Variants in THOC1 observed in about 807,000 individuals in gnomAD.
THOC1 encodes THO complex 1.
THOC1 carries 29 observed loss-of-function variants against 97.3 expected under a neutral mutation model. The observed-to-expected ratio is 0.30, with a 90% CI of 0.22 to 0.41. The LOEUF is 0.41. Ranked by LOEUF, THOC1 falls within the 10% of genes least tolerant of loss-of-function variation. THOC1 has a pLI of 1.00. For missense variants in THOC1, 529 were observed against 761.9 expected, an observed-to-expected ratio of 0.69 and a Z score of 3.60; for synonymous variants, 255 against 257.0, an observed-to-expected ratio of 0.99 and a Z score of 0.07.
intron 17 of THOC1, among the ~76,000 whole-genome samples, chr18:220,115 C>T (rs1198621602): frequency 1.3e-5 from 2 of 152,128 alleles, no homozygotes; most frequent in Non-Finnish European, 2.9e-5. Flanking sequence ...TGAACATGCC[C>T]CAAGTTATCC....
chr18:214,568 A>G lies in THOC1; in HGVS notation c.*58T>C. The G allele has an allele frequency of 7.0e-7, 1 of 1,431,744 alleles. No homozygotes were observed. Among genetic ancestry groups the G allele is most frequent in the Non-Finnish European group, 9.6e-7 (1 of 1,045,904 alleles). The allele number at this position is 1,431,744 out of a possible 1,614,324, so 88.7% of individuals were successfully genotyped here. A position where few individuals can be genotyped will look rare whatever the true frequency, so the allele number is the denominator to read the frequency against. ...TACCAAAACCAGTGGACCTCTTATC[A>G]AATGCTGCTTGGTAACAAAATCTAT... is the stretch of plus-strand genomic sequence containing the variant. On this transcript the variant is annotated 3_prime_UTR_variant, in exon 21 of 21. Coordinates refer to ENST00000261600, the MANE Select transcript of THOC1 (RefSeq NM_005131.3).
intron 17 of THOC1, among the ~76,000 whole-genome samples, chr18:222,422 C>T (rs1911123581): frequency 6.6e-6 from 1 of 152,152 alleles, no homozygotes; most frequent in Non-Finnish European, 1.5e-5. Context: ...TCAACCACAA[C>T]TGTTTAACTT....
At chr18:231,256 T>C (rs1911476312) in intron 11 of THOC1, among the ~76,000 whole-genome samples, 1 of 152,182 alleles carries the variant, frequency 6.6e-6, no homozygotes. Flanking sequence ...GCTACTGTCC[T>C]TAGCTTTTAT....
intron 7 of THOC1, among the ~76,000 whole-genome samples, chr18:258,093 A>G (rs965635253): frequency 6.6e-6 from 1 of 152,064 alleles, no homozygotes; most frequent in East Asian, 1.9e-4. Flanking sequence ...ACCAAAGGAG[A>G]AAAAAAATCT....
Position 254,250 on chromosome 18 carries a change from A to G in THOC1, c.603+23T>C. The G allele has an allele frequency of 6.6e-7, 1 of 1,509,926 alleles. No individual in the cohort carries two copies. The highest frequency in any genetic ancestry group is 9.1e-7 in the Non-Finnish European group (1 of 1,103,788). 93.5% of individuals were successfully genotyped at this position (1,509,926 alleles called of 1,614,324 possible). On this transcript the variant is annotated intron_variant, in intron 8 of 20. Coordinates refer to ENST00000261600, the MANE Select transcript of THOC1 (RefSeq NM_005131.3). The surrounding 1 kb of genome is among the most constrained non-coding windows in gnomAD (Gnocchi z 4.1). ...AACAAACTTGCAAATATGTTATCTG[A>G]GAAGATTTCAAATCAGCCTCACCTT...
At chr18:263,225 C>T (rs1390199204) in intron 4 of THOC1, among the ~76,000 whole-genome samples, 2 of 151,068 alleles carry the variant, frequency 1.3e-5, no homozygotes, top group Non-Finnish European at 2.9e-5. Context: ...GGACTACAGG[C>T]GCCCGACACC....
chr18:232,285 T>C (rs549161448), intron 11 of THOC1, among the ~76,000 whole-genome samples: 20 of 152,114 alleles, frequency 1.3e-4, no homozygotes, highest in African/African-American at 4.6e-4. Context: ...TTTGTAGAGA[T>C]GGGGGTATCA....
At chr18:235,323 G>A (rs1390825909) in intron 11 of THOC1, among the ~76,000 whole-genome samples, 2 of 151,950 alleles carry the variant, frequency 1.3e-5, no homozygotes, top group African/African-American at 4.8e-5. Flanking sequence ...CAGTTTTGCT[G>A]ATATGTTTTA....
At chr18:239,260 C>T (rs1911813668) in intron 11 of THOC1, among the ~76,000 whole-genome samples, 2 of 152,112 alleles carry the variant, frequency 1.3e-5, no homozygotes, top group African/African-American at 4.8e-5. Context: ...AAAATTCAGA[C>T]ACAGAAAACA....
intron 19 of THOC1, 24 bp from the exon 20 acceptor site, chr18:215,528 T>C (rs1250090007): frequency 1.9e-6 from 3 of 1,581,928 alleles, no homozygotes; most frequent in Non-Finnish European, 2.6e-6. Context: ...AGAAGAATGT[T>C]TGAAAGAATG....
At chr18:237,568 C>T (rs893668248) in intron 11 of THOC1, among the ~76,000 whole-genome samples, 1 of 151,972 alleles carries the variant, frequency 6.6e-6, no homozygotes, top group African/African-American at 2.4e-5. Flanking sequence ...AGCCTAAACA[C>T]CAAATGTTTT....
chr18:262,301 A>G (rs1210245266), intron 4 of THOC1, among the ~76,000 whole-genome samples: 1 of 152,224 alleles, frequency 6.6e-6, no homozygotes, highest in African/African-American at 2.4e-5. Flanking sequence ...GCATTTTTGT[A>G]TGCTTTAACC....
chr18:237,360 T>C (rs1911744132), intron 11 of THOC1, among the ~76,000 whole-genome samples: 1 of 152,120 alleles, frequency 6.6e-6, no homozygotes, highest in Admixed American at 6.5e-5. Flanking sequence ...TTTCACTATG[T>C]TGGCCAGGCT....
intron 11 of THOC1, among the ~76,000 whole-genome samples, chr18:237,901 C>G (rs1483945833): frequency 6.6e-6 from 1 of 151,960 alleles, no homozygotes; most frequent in East Asian, 1.9e-4. Flanking sequence ...GAGTCTCACT[C>G]TGTTGCCCAG....
chr18:239,843 C>T (rs1911836431), intron 11 of THOC1, among the ~76,000 whole-genome samples: 1 of 152,110 alleles, frequency 6.6e-6, no homozygotes, highest in African/African-American at 2.4e-5. Flanking sequence ...GCCCAATTAA[C>T]ACAGAGAAAA....
chr18:266,910 G>A (rs1172119844), intron 1 of THOC1, among the ~76,000 whole-genome samples: 2 of 151,564 alleles, frequency 1.3e-5, no homozygotes, highest in African/African-American at 4.8e-5. Context: ...GCAGCAAAAC[G>A]CACACAAAGA....
rs35294329 is a variant in THOC1, at chr18:253,902, ATTT to A, written c.603+368_603+370del. ...TGACTTGTAGGCCCATTTACATGAAATTTTTTTTTTTTTTTTTTTTTTAAATGA... is the reference window on the plus strand; with the variant it reads ...TGACTTGTAGGCCCATTTACATGAAATTTTTTTTTTTTTTTTTTTAAATGA... On this transcript the variant is annotated intron_variant, in intron 8 of 20. Coordinates refer to ENST00000261600, the MANE Select transcript of THOC1 (RefSeq NM_005131.3). Among the ~76,000 whole-genome samples the A allele has an allele frequency of 8.5e-3, 1,140 of 133,932 alleles. 11 individuals carry two copies. Among genetic ancestry groups the A allele is most frequent in the African/African-American group, 0.029 (1,057 of 36,040 alleles). The allele number at this position is 133,932 out of a possible 152,430, so 87.9% of individuals were successfully genotyped here. A position where few individuals can be genotyped will look rare whatever the true frequency, so the allele number is the denominator to read the frequency against.
rs1459774380 is a variant in THOC1 at position 216,648 on chromosome 18, G to A, written c.1455-15C>T. ...TGTTCACAGCCCTATAAAAAGAGGT[G>A]TCAGGCTTGTAATTTATAGCTTTGT... On this transcript the variant is annotated splice_polypyrimidine_tract_variant and intron_variant, in intron 18 of 20. Transcript: ENST00000261600. 2 of 1,606,302 alleles carry A rather than the reference G, an allele frequency of 1.2e-6. No individual in the cohort carries two copies. The highest frequency in any genetic ancestry group is 1.7e-6 in the Non-Finnish European group (2 of 1,176,386).
intron 7 of THOC1, 148 bp downstream of exon 7, chr18:259,032 T>A: frequency 4.8e-6 from 3 of 626,510 alleles, no homozygotes. Flanking sequence ...TGCTATACAT[T>A]TATAAGTAAA....
Sources: allele counts gnomAD v4.1 joint callset (sites outside exome capture counted in the v4.1 genomes callset), GRCh38; gene constraint gnomAD v4.1.1; non-coding constraint Gnocchi (gnomAD v3.1); transcripts MANE v1.5; gene names NCBI Gene and HGNC (gene_info 2026-07-23, HGNC 2026-07-21).